Variants in NHLH2 observed in about 807,000 individuals in gnomAD.
NHLH2 encodes helix-loop-helix protein 2.
In NHLH2, 7 loss-of-function variants were observed where a neutral mutation model predicts 7.3. That is an observed-to-expected ratio of 0.96 (90% CI 0.55 to 1.81). The LOEUF (loss-of-function observed/expected upper bound fraction) is 1.81. NHLH2 is among the 40% of genes most tolerant of loss of function. The pLI, the probability that NHLH2 is intolerant of heterozygous loss-of-function variation, is 0.00. For synonymous variants in NHLH2, 93 were observed against 91.6 expected (o/e 1.01, Z -0.09); for missense variants, 155 against 194.0 (o/e 0.80, Z 1.19).
At chr1:115,831,924 C>CAAAA (rs34137281), downstream of NHLH2, among the ~76,000 whole-genome samples, 1 of 137,224 alleles carries the variant, frequency 7.3e-6, no homozygotes, top group Non-Finnish European at 1.5e-5. Flanking sequence ...GACTTGGTCT[C>CAAAA]AAAAAAAAAA....
chr1:115,838,276 CG>C lies in NHLH2; in HGVS notation c.96del (p.Gly33AlafsTer31). 1 of 1,604,298 alleles carries C rather than the reference CG, an allele frequency of 6.2e-7. No individual in the cohort carries two copies. The highest frequency in any genetic ancestry group is 8.5e-7 in the Non-Finnish European group (1 of 1,177,364). ...ACCGGCTCCAGGTCCGACACGCTGC[CG>C]AGCACCTTGGTGTCCGTGCCGCCCA... Reference protein sequence around the residue: ...ESLGGTDTKVLGSVSDLEPVE... With the variant: ...ESLGGTDTKVXGSVSDLEPVE... On this transcript the variant is annotated frameshift_variant, in exon 3 of 3. Transcript: ENST00000320238. LOFTEE classifies it high-confidence loss of function.
chr1:115,831,630 C>T (rs1650753175), downstream of NHLH2, among the ~76,000 whole-genome samples: 2 of 152,112 alleles, frequency 1.3e-5, no homozygotes, highest in African/African-American at 4.8e-5. Context: ...AAATGTACCC[C>T]TTGTCTGGCT....
Position 115,838,151 on chromosome 1 carries a change from G to A in NHLH2, c.222C>T (p.Ala74=). ...SREEKRRRRR[A]TAKYRSAHAT... ...CGTGGGCCGAGCGGTACTTGGCCGT[G>A]GCGCGCCGGCGGCGGCGCTTCTCCT... is the stretch of plus-strand genomic sequence containing the variant. Residue 74 remains alanine, a synonymous_variant, in exon 3 of 3, where the codon GCC becomes GCT. Transcript: ENST00000320238. 6.3e-7 allele frequency: 1 copy of A among 1,591,202 alleles called. No individual in the cohort carries two copies. The highest frequency in any genetic ancestry group is 8.5e-7 in the Non-Finnish European group (1 of 1,170,212).
Position 115,838,062 on chromosome 1 carries a change from A to C in NHLH2, c.311T>G (p.Leu104Arg), listed in dbSNP as rs757420009. The stretch of plus-strand genomic sequence containing the variant: ...CTTCTTGTCCGGGGGCAGCGTGGGC[A>C]GCAATTTGCGGAGCTCGGCGAAGGC... ...NLAFAELRKL[L>R]PTLPPDKKLS... is the part of the protein sequence containing the mutation. Residue 104 changes from leucine to arginine, a missense_variant, in exon 3 of 3, where the codon CTG becomes CGG. Leu to Arg is a moderately radical substitution (Grantham distance 102, BLOSUM62 -2). Transcript: ENST00000320238. 6.2e-7 allele frequency: 1 copy of C among 1,609,598 alleles called. No individual in the cohort carries two copies. Among genetic ancestry groups the C allele is most frequent in the African/African-American group, 1.4e-5 (1 of 73,872 alleles).
chr1:115,838,070 GC>G lies in NHLH2; in HGVS notation c.302del (p.Arg101ProfsTer156), dbSNP rs1650930336. 1 of 1,609,142 alleles carries G rather than the reference GC, an allele frequency of 6.2e-7. No homozygotes were observed. Among genetic ancestry groups the G allele is most frequent in the African/African-American group, 1.4e-5 (1 of 73,718 alleles). On this transcript the variant is annotated frameshift_variant, in exon 3 of 3. Transcript: ENST00000320238. LOFTEE classifies it high-confidence loss of function. ...EAFNLAFAEL[R>X]KLLPTLPPDK... ...CCGGGGGCAGCGTGGGCAGCAATTT[GC>G]GGAGCTCGGCGAAGGCCAAGTTGAA...
At chr1:115,839,785 T>G (rs2101203865) in intron 2 of NHLH2, 1 of 167,080 alleles carries the variant, frequency 6.0e-6, no homozygotes, top group South Asian at 2.1e-4. Context: ...GGGTGATCGG[T>G]TCCCAGCACC....
At chr1:115,831,880 C>T (rs1650760910), downstream of NHLH2, among the ~76,000 whole-genome samples, 1 of 151,414 alleles carries the variant, frequency 6.6e-6, no homozygotes, top group South Asian at 2.1e-4. Context: ...CAAGATTGCG[C>T]CACTGCACCA....
In NHLH2 at chr1:115,837,745, C is replaced by A. The variant is rs1046842450; in HGVS notation, c.*220G>T. The A allele has an allele frequency of 1.8e-6, 1 of 545,416 alleles. No homozygotes were observed. The highest frequency in any genetic ancestry group is 2.0e-5 in the African/African-American group (1 of 49,038). The allele number at this position is 545,416 out of a possible 1,614,324, so 33.8% of individuals were successfully genotyped here. ...GCCTGGAAAATCCCCCCTGCGAGCCCCCGGGCTCGCCAGACAACCCCACCT... is the reference window on the plus strand; with the variant it reads ...GCCTGGAAAATCCCCCCTGCGAGCCACCGGGCTCGCCAGACAACCCCACCT... On this transcript the variant is annotated 3_prime_UTR_variant, in exon 3 of 3. Transcript: ENST00000320238.
rs940791134 is a variant in NHLH2 at position 115,837,952 on chromosome 1, G to T, written c.*13C>A. ...GACGCCGGGACAGGCGGCCCCCCGC[G>T]GCGCACCCCGCCCTACACGTCCAGG... On this transcript the variant is annotated 3_prime_UTR_variant, in exon 3 of 3. Transcript: ENST00000320238. 8 of 1,587,998 alleles carry T rather than the reference G, an allele frequency of 5.0e-6. No homozygotes were observed. Among genetic ancestry groups the T allele is most frequent in the Non-Finnish European group, 6.8e-6 (8 of 1,169,694 alleles).
At chr1:115,833,444 T>G (rs1188054853), downstream of NHLH2, among the ~76,000 whole-genome samples, 1 of 152,004 alleles carries the variant, frequency 6.6e-6, no homozygotes, top group Non-Finnish European at 1.5e-5. Flanking sequence ...AAGCTTTCCC[T>G]AGGCACATGG....
In NHLH2 at chr1:115,837,785, C is replaced by T. The variant is rs1051738833; in HGVS notation, c.*180G>A. The T allele has an allele frequency of 1.5e-6, 1 of 671,514 alleles. No individual in the cohort carries two copies. The allele number at this position is 671,514 out of a possible 1,614,324, so 41.6% of individuals were successfully genotyped here. A position where few individuals can be genotyped will look rare whatever the true frequency, so the allele number is the denominator to read the frequency against. On this transcript the variant is annotated 3_prime_UTR_variant, in exon 3 of 3. Transcript: ENST00000320238. ...CAACCCCACCTGCCTGCGTCGGAAA[C>T]CTTCCCTCGTCGCCCTGCTGACCAG...
chr1:115,834,009 T>A (rs145681173), downstream of NHLH2, among the ~76,000 whole-genome samples: 1,554 of 152,192 alleles, frequency 0.01, 25 homozygotes, highest in African/African-American at 0.036. Flanking sequence ...TGGAGGGAGC[T>A]CCTGCAAACA....
intron 2 of NHLH2, 163 bp from the exon 3 acceptor site, chr1:115,838,543 G>A: frequency 2.9e-6 from 2 of 687,226 alleles, no homozygotes; most frequent in South Asian, 2.2e-5. Flanking sequence ...GATAGGATCT[G>A]GCCCGAGGGC....
At chr1:115,834,905 G>A (rs1448895421), downstream of NHLH2, among the ~76,000 whole-genome samples, 1 of 152,142 alleles carries the variant, frequency 6.6e-6, no homozygotes, top group African/African-American at 2.4e-5. Context: ...AAGAAGAATC[G>A]AGACCTCATG....
intron 2 of NHLH2, chr1:115,839,406 G>C (rs947176019): frequency 1.2e-5 from 2 of 166,794 alleles, no homozygotes; most frequent in Non-Finnish European, 2.9e-5. Flanking sequence ...GCTGTCCCCG[G>C]GTGGCCTGGC....
chr1:115,838,578 G>A (rs563270404), intron 2 of NHLH2, 198 bp from the exon 3 acceptor site: 1 of 508,282 alleles, frequency 2.0e-6, no homozygotes, highest in East Asian at 3.8e-5. Flanking sequence ...TCGCCCTGGC[G>A]CGGGAGCCGG....
At chr1:115,839,898 A>C (rs969738531) in intron 2 of NHLH2, 1 of 167,088 alleles carries the variant, frequency 6.0e-6, no homozygotes, top group Non-Finnish European at 1.5e-5. Flanking sequence ...AGAGAGCTGC[A>C]TGTGACTCCC....
downstream of NHLH2, chr1:115,836,364 TAA>T (rs921699986): frequency 2.0e-5 from 3 of 152,398 alleles, no homozygotes; most frequent in Non-Finnish European, 4.4e-5. Context: ...GTGCTTAAAA[TAA>T]AAGAGAGGAC....
At chr1:115,831,779 G>A (rs777530793), downstream of NHLH2, among the ~76,000 whole-genome samples, 19 of 151,974 alleles carry the variant, frequency 1.3e-4, no homozygotes, top group Non-Finnish European at 2.2e-4. Context: ...AAAATTAGCT[G>A]GGCATGGTGG....
Sources: gnomAD v4.1 joint callset for allele counts (sites outside exome capture counted in the v4.1 genomes callset) on GRCh38, gnomAD v4.1.1 for gene constraint, MANE v1.5 for transcripts, NCBI Gene and HGNC (gene_info 2026-07-23, HGNC 2026-07-21) for gene names.